EIF3A: variants seen among roughly 807,000 people sequenced by gnomAD.
EIF3A encodes eukaryotic translation initiation factor 3 subunit A.
In EIF3A, 21 loss-of-function variants were observed where a neutral mutation model predicts 186.6. That is an observed-to-expected ratio of 0.11 (90% CI 0.08 to 0.16). EIF3A has a LOEUF of 0.16. Ranked by LOEUF, EIF3A falls within the 10% of genes least tolerant of loss-of-function variation. EIF3A has a pLI of 1.00. For missense variants in EIF3A, 1,306 were observed against 1,796.3 expected (o/e 0.73, Z 4.93); for synonymous variants, 563 against 584.3 (o/e 0.96, Z 0.52).
intron 12 of EIF3A, among the ~76,000 whole-genome samples, chr10:119,057,660 A>G (rs1462351635): frequency 6.6e-6 from 1 of 152,178 alleles, no homozygotes; most frequent in African/African-American, 2.4e-5. Context: ...CTGTAATCCC[A>G]GCTAGTTGGG....
Position 119,060,841 on chromosome 10 carries a change from G to C in EIF3A, c.1231C>G (p.Leu411Val). The C allele has an allele frequency of 6.3e-7, 1 of 1,599,946 alleles. No individual in the cohort carries two copies. The stretch of plus-strand genomic sequence containing the variant: ...TCAGGTTGTTCCCTAACCCAATTTA[G>C]AACCTATAAAATCCATTAAATTGAA... Reference protein sequence around the residue: ...LKLCERVTKVLNWVREQPEKE... With the variant: ...LKLCERVTKVVNWVREQPEKE... Residue 411 changes from leucine to valine, a missense_variant, in exon 9 of 22, where the codon CTA (leucine) becomes GTA (valine). Around this residue, in one of 8 missense-constraint regions of EIF3A, gnomAD observed 267 missense variants for 367.8 expected, o/e 0.73. Transcript: ENST00000369144.
chr10:119,049,184 G>A (rs575715772), intron 17 of EIF3A, among the ~76,000 whole-genome samples: 102 of 152,318 alleles, frequency 6.7e-4, no homozygotes, highest in African/African-American at 2.2e-3. Flanking sequence ...AATGGGCTGG[G>A]TGCGGTGGCT....
chr10:119,074,151 A>T (rs954785916), intron 1 of EIF3A, among the ~76,000 whole-genome samples: 3 of 152,268 alleles, frequency 2.0e-5, no homozygotes, highest in East Asian at 1.9e-4. Flanking sequence ...GTAAAACTGA[A>T]TCACTGTATT....
At chr10:119,036,897 T>C (rs1848136587) in intron 21 of EIF3A, among the ~76,000 whole-genome samples, 1 of 152,192 alleles carries the variant, frequency 6.6e-6, no homozygotes, top group Non-Finnish European at 1.5e-5. Flanking sequence ...ATATATTGCC[T>C]GCTATCCAAT....
chr10:119,057,211 GA>G (rs1215777717), intron 12 of EIF3A, among the ~76,000 whole-genome samples, 171 bp from the exon 13 acceptor site: 6 of 152,018 alleles, frequency 3.9e-5, no homozygotes, highest in African/African-American at 1.5e-4. Flanking sequence ...TGACCATAAG[GA>G]AAAAAATATC....
At chr10:119,064,502 T>TTAA (rs1843940209) in intron 7 of EIF3A, among the ~76,000 whole-genome samples, 2 of 152,122 alleles carry the variant, frequency 1.3e-5, no homozygotes, top group Non-Finnish European at 2.9e-5. Context: ...CTGGTGTTGT[T>TTAA]TAAAAGTGTG....
intron 1 of EIF3A, among the ~76,000 whole-genome samples, chr10:119,079,463 G>A (rs1844227869): frequency 6.6e-6 from 1 of 152,090 alleles, no homozygotes; most frequent in African/African-American, 2.4e-5. Flanking sequence ...ACATAAAACT[G>A]TAACTCACAA....
intron 18 of EIF3A, among the ~76,000 whole-genome samples, chr10:119,043,529 A>T (rs1028527463): frequency 2.6e-5 from 4 of 151,022 alleles, no homozygotes; most frequent in African/African-American, 7.3e-5. Context: ...CAGGAGGATC[A>T]CCTAAGCCCA....
At chr10:119,043,450 A>G (rs1323270490) in intron 18 of EIF3A, among the ~76,000 whole-genome samples, 1 of 151,420 alleles carries the variant, frequency 6.6e-6, no homozygotes, top group East Asian at 2.0e-4. Flanking sequence ...AAAACAAAGA[A>G]ACAAACAAAC....
At position 119,042,747 on chromosome 10, in the gene EIF3A, C is replaced by T. The variant is rs199545338; in HGVS notation, c.2773G>A (p.Asp925Asn). 6.2e-7 allele frequency: 1 copy of T among 1,608,694 alleles called. No homozygotes were observed. Among genetic ancestry groups the T allele is most frequent in the African/African-American group, 1.3e-5 (1 of 74,964 alleles). ...TCTCTTCTATGAGACCTGTCCTCAT[C>T]TCGCCCTTCTCCACGTCTCCACTCC... ...EKEWRRGEGR[D>N]EDRSHRRDEE... Residue 925 changes from aspartate to asparagine, a missense_variant, in exon 19 of 22, where the codon GAT (aspartate) becomes AAT (asparagine). By Grantham distance (23) the Asp-to-Asn change is conservative. This residue lies in a region of EIF3A where 410 missense variants were observed against 473.5 expected (regional missense o/e 0.87). Coordinates refer to ENST00000369144, the MANE Select transcript of EIF3A (RefSeq NM_003750.4). This position sits in a 1 kb window ranked among gnomAD's most constrained non-coding sequence, Gnocchi z 7.8.
chr10:119,073,044 T>C lies in EIF3A; in HGVS notation c.387A>G (p.Leu129=). 6.2e-7 allele frequency: 1 copy of C among 1,605,552 alleles called. No individual in the cohort carries two copies. The highest frequency in any genetic ancestry group is 1.1e-5 in the South Asian group (1 of 89,018). ...DNIQTPESVL[L]SAVSGEDTQD... Reference sequence around the variant, plus strand: ...GAGTGTCTTCACCACTTACAGCACTTAGGAGAACACTACAAAGAAAAAAAT... The same window carrying C: ...GAGTGTCTTCACCACTTACAGCACTCAGGAGAACACTACAAAGAAAAAAAT... The change falls in exon 4 of 22, where the codon CTA becomes CTG. Residue 129 remains leucine (L), a synonymous_variant. Transcript: ENST00000369144.
chr10:119,068,067 TC>T (rs1000955559), intron 6 of EIF3A, among the ~76,000 whole-genome samples: 1 of 152,144 alleles, frequency 6.6e-6, no homozygotes, highest in African/African-American at 2.4e-5. Flanking sequence ...CACCTTGGCC[TC>T]CCGAAACTGC....
In EIF3A at chr10:119,034,016, C is replaced by G. The variant is rs895104302; in HGVS notation, c.*2023G>C. 6.0e-6 allele frequency: 1 copy of G among 167,080 alleles called. No homozygotes were observed. Among genetic ancestry groups the G allele is most frequent in the Non-Finnish European group, 1.5e-5 (1 of 68,124 alleles). 10.3% of individuals were successfully genotyped at this position (167,080 alleles called of 1,614,324 possible). ...ATGATGTCTCTACTACTGGATCTAT[C>G]TGTATTAACAGCAATGTTACTCTCA... On this transcript the variant is annotated 3_prime_UTR_variant, in exon 22 of 22. Coordinates refer to ENST00000369144, the MANE Select transcript of EIF3A (RefSeq NM_003750.4).
chr10:119,072,256 AAT>A (rs1411920999), intron 4 of EIF3A, among the ~76,000 whole-genome samples: 4 of 150,928 alleles, frequency 2.7e-5, no homozygotes, highest in East Asian at 1.9e-4. Flanking sequence ...AAAAAAAAAA[AAT>A]GGAAAAGTTT....
Sources: gnomAD v4.1 joint callset for allele counts (sites outside exome capture counted in the v4.1 genomes callset) on GRCh38, gnomAD v4.1.1 for gene constraint, gnomAD v4.1.1 regional missense constraint, Gnocchi (gnomAD v3.1) non-coding constraint, MANE v1.5 for transcripts, NCBI Gene and HGNC (gene_info 2026-07-23, HGNC 2026-07-21) for gene names.